PCDHGC5: variants seen among roughly 807,000 people sequenced by gnomAD.
PCDHGC5 encodes the protein protocadherin gamma subfamily C, 5, also known as protocadherin gamma-C5.
PCDHGC5 carries 25 observed loss-of-function variants against 59.0 expected under a neutral mutation model. The ratio of observed to expected loss-of-function variants is 0.42; its 90% CI spans 0.31 to 0.59. PCDHGC5 has a LOEUF of 0.59. PCDHGC5 is among the 20% of genes least tolerant of loss of function. The pLI, the probability that PCDHGC5 is intolerant of heterozygous loss-of-function variation, is 0.13. For missense variants in PCDHGC5, 1,067 were observed against 1,206.4 expected, an observed-to-expected ratio of 0.88 and a Z score of 1.71; for synonymous variants, 434 against 505.5, an observed-to-expected ratio of 0.86 and a Z score of 1.90.
chr5:141,491,438 G>T lies in PCDHGC5; in HGVS notation c.2198G>T (p.Arg733Leu), dbSNP rs376927300. 3.7e-6 allele frequency: 6 copies of T among 1,613,948 alleles called. No homozygotes were observed. The African/African-American group carries it at 4.0e-5, about 11-fold the overall frequency. ...GDGGGGQCCRRQDSPSPDFYK... is the reference protein window; with the variant it reads ...GDGGGGQCCRLQDSPSPDFYK... ...GGGGGTGGAGGGCAGTGCTGCAGGCGCCAGGACTCACCCTCCCCGGACTTC... is the reference window on the plus strand; with the variant it reads ...GGGGGTGGAGGGCAGTGCTGCAGGCTCCAGGACTCACCCTCCCCGGACTTC... Residue 733 changes from arginine to leucine, a missense_variant, in exon 1 of 4, where the codon CGC becomes CTC. Arg to Leu is a moderately radical substitution (Grantham distance 102, BLOSUM62 -2). Transcript: ENST00000252087. The surrounding 1 kb of genome is among the most constrained non-coding windows in gnomAD (Gnocchi z 6.9).
Position 141,489,606 on chromosome 5 carries a change from G to A in PCDHGC5, c.366G>A (p.Glu122=). The stretch of plus-strand genomic sequence containing the variant: ...TGGAGCTAATCCGTGTAGAGGTAGA[G>A]ATCCTGGATCTCAATGACAACTCTC... ...HPLELIRVEV[E]ILDLNDNSPS... is the part of the protein sequence containing the mutation. The change falls in exon 1 of 4, where the codon GAG becomes GAA. Residue 122 remains glutamate (E), a synonymous_variant. Coordinates refer to ENST00000252087, the MANE Select transcript of PCDHGC5 (RefSeq NM_018929.3). This position sits in a 1 kb window ranked among gnomAD's most constrained non-coding sequence, Gnocchi z 4.5. The A allele has an allele frequency of 6.2e-7, 1 of 1,614,110 alleles. No homozygotes were observed.
At position 141,491,546 on chromosome 5, in the gene PCDHGC5, C is replaced by T; in HGVS notation, c.2306C>T (p.Ser769Leu). The part of the protein sequence containing the change: ...YMEVTLRPTD[S>L]QSHCYRTCFS... ...GAGGTGACGCTGCGGCCCACAGACT[C>T]GCAGAGCCACTGCTACAGGACGTGC... Residue 769 changes from serine (S) to leucine (L), a missense_variant, in exon 1 of 4, where the codon TCG (serine) becomes TTG (leucine). Transcript: ENST00000252087. This position sits in a 1 kb window ranked among gnomAD's most constrained non-coding sequence, Gnocchi z 6.9. 1.9e-6 allele frequency: 3 copies of T among 1,614,038 alleles called. No homozygotes were observed. Among genetic ancestry groups the T allele is most frequent in the Non-Finnish European group, 2.5e-6 (3 of 1,180,024 alleles).
chr5:141,500,271 C>T (rs936454651), intron 2 of PCDHGC5, among the ~76,000 whole-genome samples: 3 of 151,598 alleles, frequency 2.0e-5, no homozygotes, highest in African/African-American at 7.3e-5. Flanking sequence ...TGCAGTGGCG[C>T]AATCTCGGCT....
At chr5:141,505,341 A>G in intron 2 of PCDHGC5, 52 bp from the exon 3 acceptor site, 3 of 1,612,728 alleles carry the variant, frequency 1.9e-6, no homozygotes, top group Non-Finnish European at 2.5e-6. Context: ...CAGGAGGGGC[A>G]TGAGCTGTGC....
chr5:141,489,101 T>G lies in PCDHGC5; in HGVS notation c.-140T>G. 1 of 398,408 alleles carries G rather than the reference T, an allele frequency of 2.5e-6. No homozygotes were observed. Among genetic ancestry groups the G allele is most frequent in the Non-Finnish European group, 4.5e-6 (1 of 223,328 alleles). The allele number at this position is 398,408 out of a possible 1,614,324, so 24.7% of individuals were successfully genotyped here. On this transcript the variant is annotated 5_prime_UTR_variant, in exon 1 of 4. Transcript: ENST00000252087. The surrounding 1 kb of genome is among the most constrained non-coding windows in gnomAD (Gnocchi z 4.5). Reference sequence around the variant, plus strand: ...CCGCCACTCGGTGACTAAGAACTGCTGCAAGCAGGCAAACCTCCGAGCAGT... The same window carrying G: ...CCGCCACTCGGTGACTAAGAACTGCGGCAAGCAGGCAAACCTCCGAGCAGT...
chr5:141,492,503 A>G (rs1341352458), intron 1 of PCDHGC5, among the ~76,000 whole-genome samples: 1 of 151,188 alleles, frequency 6.6e-6, no homozygotes, highest in Non-Finnish European at 1.5e-5. Context: ...AGGACTCCGG[A>G]GCCTCCTCTC....
At chr5:141,500,152 A>C (rs1301287171) in intron 2 of PCDHGC5, among the ~76,000 whole-genome samples, 1 of 151,610 alleles carries the variant, frequency 6.6e-6, no homozygotes, top group African/African-American at 2.4e-5. Flanking sequence ...TTCTTTGTGT[A>C]ATCAAAGAAC....
rs10040701 is a variant in PCDHGC5 at position 141,508,490 on chromosome 5, A to G, written c.2609-2457A>G. ...TCTTTCTTTTACATTCTGGATTTCC[A>G]TATCTTCTCTCCCTCCTGGTCCAGC... On this transcript the variant is annotated intron_variant, in intron 3 of 3. Transcript: ENST00000252087. Among the ~76,000 whole-genome samples, 377 of 152,202 alleles carry G rather than the reference A, an allele frequency of 2.5e-3. 1 individual carries two copies. The highest frequency in any genetic ancestry group is 8.6e-3 in the African/African-American group (358 of 41,530).
intron 3 of PCDHGC5, among the ~76,000 whole-genome samples, chr5:141,505,875 T>C (rs991981462): frequency 2.6e-4 from 40 of 152,140 alleles, no homozygotes; most frequent in African/African-American, 9.2e-4. Flanking sequence ...AAAGGGTTGT[T>C]GTAGAGATTA....
rs148119281 is a variant in PCDHGC5, at chr5:141,511,006, C to T, written c.2668C>T (p.Arg890Cys). The T allele has an allele frequency of 3.5e-5, 56 of 1,614,078 alleles. No individual in the cohort carries two copies. Among genetic ancestry groups the T allele is most frequent in the African/African-American group, 5.3e-5 (4 of 74,922 alleles). The change falls in exon 4 of 4, where the codon CGC (arginine) becomes TGC (cysteine). Residue 890 changes from arginine to cysteine, a missense_variant. By Grantham distance (180) the Arg-to-Cys change is radical. Transcript: ENST00000252087. Reference protein sequence around the residue: ...GGAGTMGLSARYGPQFTLQHV... With the variant: ...GGAGTMGLSACYGPQFTLQHV... ...TGCCGGCACCATGGGATTGAGCGCC[C>T]GCTACGGACCCCAGTTCACCCTGCA...
Position 141,491,663 on chromosome 5 carries a change from T to G in PCDHGC5, c.2423T>G (p.Ile808Ser), listed in dbSNP as rs895604632. ...GCTCTGGCGCTGGAGCCTGACGCCA[T>G]CCGGTCCCGCTCTAATACGCTGCGG... Reference protein sequence around the residue: ...PTALALEPDAIRSRSNTLRER... With the variant: ...PTALALEPDASRSRSNTLRER... Residue 808 changes from isoleucine to serine, a missense_variant, in exon 1 of 4, where the codon ATC (isoleucine) becomes AGC (serine). By Grantham distance (142) the Ile-to-Ser change is moderately radical. Coordinates refer to ENST00000252087, the MANE Select transcript of PCDHGC5 (RefSeq NM_018929.3). The surrounding 1 kb of genome is among the most constrained non-coding windows in gnomAD (Gnocchi z 6.9). The G allele has an allele frequency of 3.1e-6, 5 of 1,613,650 alleles. No homozygotes were observed. Among genetic ancestry groups the G allele is most frequent in the Non-Finnish European group, 4.2e-6 (5 of 1,180,014 alleles).
chr5:141,491,071 C>T lies in PCDHGC5; in HGVS notation c.1831C>T (p.Pro611Ser), dbSNP rs987564933. 1 of 1,614,152 alleles carries T rather than the reference C, an allele frequency of 6.2e-7. No individual in the cohort carries two copies. Among genetic ancestry groups the T allele is most frequent in the Non-Finnish European group, 8.5e-7 (1 of 1,180,028 alleles). ...TGCGTGGCTCTCCTACTCACTGTTGCCACAGTCCACAGCCCCAGGACTGTT... is the reference window on the plus strand; with the variant it reads ...TGCGTGGCTCTCCTACTCACTGTTGTCACAGTCCACAGCCCCAGGACTGTT... ...HNAWLSYSLL[P>S]QSTAPGLFLV... Residue 611 changes from proline (P) to serine (S), a missense_variant, in exon 1 of 4, where the codon CCA becomes TCA. Transcript: ENST00000252087. This position sits in a 1 kb window ranked among gnomAD's most constrained non-coding sequence, Gnocchi z 6.9.
Position 141,490,835 on chromosome 5 carries a change from T to C in PCDHGC5, c.1595T>C (p.Ile532Thr), listed in dbSNP as rs1284804400. 4 of 1,613,728 alleles carry C rather than the reference T, an allele frequency of 2.5e-6. No individual in the cohort carries two copies. The highest frequency in any genetic ancestry group is 1.1e-5 in the South Asian group (1 of 91,076). Residue 532 changes from isoleucine to threonine, a missense_variant, in exon 1 of 4, where the codon ATT becomes ACT. Ile to Thr is a moderately conservative substitution (Grantham distance 89). Transcript: ENST00000252087. This position sits in a 1 kb window ranked among gnomAD's most constrained non-coding sequence, Gnocchi z 5.4. ...FDYELLQMLQ[I>T]VVGVRDSGSP... ...TATGAATTGCTGCAGATGCTGCAGATTGTGGTGGGGGTTCGAGACTCCGGC... is the reference window on the plus strand; with the variant it reads ...TATGAATTGCTGCAGATGCTGCAGACTGTGGTGGGGGTTCGAGACTCCGGC...
intron 1 of PCDHGC5, among the ~76,000 whole-genome samples, chr5:141,492,641 G>A (rs2099742804): frequency 6.6e-6 from 1 of 152,226 alleles, no homozygotes; most frequent in African/African-American, 2.4e-5. Flanking sequence ...ACGATCCTTG[G>A]GCCAGAGGTC....
At chr5:141,503,814 T>C (rs539980053) in intron 2 of PCDHGC5, among the ~76,000 whole-genome samples, 2 of 152,100 alleles carry the variant, frequency 1.3e-5, no homozygotes, top group East Asian at 3.9e-4. Flanking sequence ...GAATCCCAGA[T>C]TGGGCAAAAC....
At chr5:141,509,069 G>T (rs1463164307) in intron 3 of PCDHGC5, among the ~76,000 whole-genome samples, 1 of 152,174 alleles carries the variant, frequency 6.6e-6, no homozygotes, top group Non-Finnish European at 1.5e-5. Flanking sequence ...CTCAGCTCCG[G>T]GGATTTGCGA....
At chr5:141,495,255 G>A (rs1055329757) in intron 2 of PCDHGC5, among the ~76,000 whole-genome samples, 5 of 152,212 alleles carry the variant, frequency 3.3e-5, no homozygotes, top group African/African-American at 1.2e-4. Flanking sequence ...GGCTCAGGCA[G>A]AAAAGCATTT....
intron 2 of PCDHGC5, among the ~76,000 whole-genome samples, chr5:141,503,292 A>G (rs7710319): frequency 6.6e-6 from 1 of 151,928 alleles, no homozygotes; most frequent in African/African-American, 2.4e-5. Flanking sequence ...TGGTACATAG[A>G]AATTGCTCAA....
chr5:141,494,601 A>T (rs1396717178), intron 1 of PCDHGC5, among the ~76,000 whole-genome samples: 1 of 151,892 alleles, frequency 6.6e-6, no homozygotes, highest in East Asian at 1.9e-4. Context: ...ATGAAATGTG[A>T]TTTATCTCTT....
Sources: gnomAD v4.1 joint callset for allele counts (sites outside exome capture counted in the v4.1 genomes callset) on GRCh38, gnomAD v4.1.1 for gene constraint, Gnocchi (gnomAD v3.1) non-coding constraint, MANE v1.5 for transcripts, NCBI Gene and HGNC (gene_info 2026-07-23, HGNC 2026-07-21) for gene names.